Variants in HPCAL4 observed in about 807,000 individuals in gnomAD.
The protein encoded by HPCAL4 is hippocalcin like 4.
HPCAL4 carries 16 observed loss-of-function variants against 18.2 expected under a neutral mutation model. The observed-to-expected ratio is 0.88, with a 90% CI of 0.59 to 1.33. The LOEUF (loss-of-function observed/expected upper bound fraction) is 1.33. Ranked by LOEUF, HPCAL4 falls within the 40% of genes most tolerant of loss-of-function variation. The pLI, the probability that HPCAL4 is intolerant of heterozygous loss-of-function variation, is 0.00. For synonymous variants in HPCAL4, 80 were observed against 97.5 expected, an observed-to-expected ratio of 0.82 and a Z score of 1.06; for missense variants, 214 against 256.6, an observed-to-expected ratio of 0.83 and a Z score of 1.14.
rs1646607312 is a variant in HPCAL4, at chr1:39,679,556, G to C, written c.*2980C>G. 1 of 152,206 alleles carries C rather than the reference G, an allele frequency of 6.6e-6. No homozygotes were observed. Among genetic ancestry groups the C allele is most frequent in the African/African-American group, 2.4e-5 (1 of 41,458 alleles). The allele number at this position is 152,206 out of a possible 1,614,324, so 9.4% of individuals were successfully genotyped here. ...TAAAGGAGAGTTTGAATATATCAAT[G>C]TTTTGATTGTCTGTATATTTTTGTG... On this transcript the variant is annotated 3_prime_UTR_variant, in exon 4 of 4. Transcript: ENST00000372844.
At chr1:39,686,113 G>A (rs142358687) in intron 1 of HPCAL4, among the ~76,000 whole-genome samples, 13,068 of 150,130 alleles carry the variant, frequency 0.087, 740 homozygotes, top group Non-Finnish European at 0.12. Context: ...CCCCAGAGGC[G>A]GAGCTTGCGG....
intron 1 of HPCAL4, among the ~76,000 whole-genome samples, chr1:39,688,857 CT>C (rs1646696916): frequency 6.6e-6 from 1 of 152,180 alleles, no homozygotes; most frequent in Admixed American, 6.5e-5. Flanking sequence ...AGCCTGCTTC[CT>C]TATGATCAGC....
At chr1:39,684,416 C>T in intron 2 of HPCAL4, 26 bp downstream of exon 2, 1 of 1,374,490 alleles carries the variant, frequency 7.3e-7, no homozygotes, top group Non-Finnish European at 9.4e-7. Context: ...TACTTGGCTC[C>T]CTCACACCAG....
chr1:39,688,651 A>G (rs1646695544), intron 1 of HPCAL4, among the ~76,000 whole-genome samples: 2 of 152,228 alleles, frequency 1.3e-5, no homozygotes, highest in Middle Eastern at 3.4e-3. Context: ...CTGAAACTCT[A>G]GAATCCTCTA....
chr1:39,684,050 G>A lies in HPCAL4; in HGVS notation c.265C>T (p.Leu89=), dbSNP rs1646650772. 1 of 1,614,054 alleles carries A rather than the reference G, an allele frequency of 6.2e-7. No individual in the cohort carries two copies. The highest frequency in any genetic ancestry group is 1.3e-5 in the African/African-American group (1 of 75,058). The change falls in exon 3 of 4, where the codon CTG becomes TTG. Residue 89 remains leucine, a synonymous_variant. Transcript: ENST00000372844. ...AAGCTGCCGCGGGAGGTGACCGACA[G>A]GGCGCAGATGAACTCCCGGAAGTCG... ...TIDFREFICA[L]SVTSRGSFEQ...
rs1557752971 is a variant in HPCAL4, at chr1:39,682,827, G to C, written c.379-94C>G. On this transcript the variant is annotated intron_variant, in intron 3 of 3. Transcript: ENST00000372844. ...AGGGATCTGGCAGGGAGAACACTGG[G>C]GGTTGGTGAGGATACTGGAAGGTAT... 3 of 890,776 alleles carry C rather than the reference G, an allele frequency of 3.4e-6. No homozygotes were observed. The East Asian group carries it at 7.5e-5, about 22-fold the overall frequency. 55.2% of individuals were successfully genotyped at this position (890,776 alleles called of 1,614,324 possible). A position where few individuals can be genotyped will look rare whatever the true frequency, so the allele number is the denominator to read the frequency against.
chr1:39,687,374 A>G (rs889000903), intron 1 of HPCAL4, among the ~76,000 whole-genome samples: 2 of 152,206 alleles, frequency 1.3e-5, no homozygotes, highest in East Asian at 3.8e-4. Flanking sequence ...AGTCAGGCAG[A>G]GATGTCTGAT....
intron 1 of HPCAL4, among the ~76,000 whole-genome samples, chr1:39,688,867 G>A (rs923158397): frequency 5.3e-5 from 8 of 152,132 alleles, no homozygotes; most frequent in African/African-American, 1.9e-4. Context: ...CTTATGATCA[G>A]CCTTTTCCAG....
At chr1:39,685,936 C>T (rs1157174952) in intron 1 of HPCAL4, among the ~76,000 whole-genome samples, 1 of 150,418 alleles carries the variant, frequency 6.6e-6, no homozygotes. Context: ...AATCCCAGCA[C>T]TTTGAGAGGC....
At position 39,682,510 on chromosome 1, in the gene HPCAL4, C is replaced by A. The variant is rs756203757; in HGVS notation, c.*26G>T. On this transcript the variant is annotated 3_prime_UTR_variant, in exon 4 of 4. Transcript: ENST00000372844. ...TGGGAGGTGGCCATGCCCCTTCTGGCCAGGGACCCTGCCCCTCACCAGCTT... is the reference window on the plus strand; with the variant it reads ...TGGGAGGTGGCCATGCCCCTTCTGGACAGGGACCCTGCCCCTCACCAGCTT... The A allele has an allele frequency of 1.9e-6, 3 of 1,612,110 alleles. No homozygotes were observed. The highest frequency in any genetic ancestry group is 4.5e-5 in the East Asian group (2 of 44,874).
At position 39,680,636 on chromosome 1, in the gene HPCAL4, C is replaced by A. The variant is rs1281023342; in HGVS notation, c.*1900G>T. ...ATTGCTGGATAAACAACTGCTAGTT[C>A]CTGCCTGAGGATGTGAACTCCCCAG... On this transcript the variant is annotated 3_prime_UTR_variant, in exon 4 of 4. Coordinates refer to ENST00000372844, the MANE Select transcript of HPCAL4 (RefSeq NM_016257.4). The A allele has an allele frequency of 6.6e-6, 1 of 152,174 alleles. No individual in the cohort carries two copies. Among genetic ancestry groups the A allele is most frequent in the Non-Finnish European group, 1.5e-5 (1 of 68,038 alleles). 9.4% of individuals were successfully genotyped at this position (152,174 alleles called of 1,614,324 possible). A position where few individuals can be genotyped will look rare whatever the true frequency, so the allele number is the denominator to read the frequency against.
chr1:39,682,875 T>G (rs1646639243), intron 3 of HPCAL4, 142 bp from the exon 4 acceptor site: 2 of 629,438 alleles, frequency 3.2e-6, no homozygotes, highest in Admixed American at 5.6e-5. Context: ...AGACTGGATA[T>G]TTAATGAGCA....
chr1:39,691,191 A>T (rs2124205035), intron 1 of HPCAL4, 115 bp downstream of exon 1: 1 of 152,646 alleles, frequency 6.6e-6, no homozygotes, highest in East Asian at 1.9e-4. Context: ...ACCACGGGTC[A>T]GGGAGGTGAA....
In HPCAL4 at chr1:39,683,755, C is replaced by T. The variant is rs149527418; in HGVS notation, c.378+182G>A. On this transcript the variant is annotated intron_variant, in intron 3 of 3. Transcript: ENST00000372844. ...AATGGGGTTTGGGACAGTAACCAAC[C>T]CCTCCGCCCCGTCGAGTGTCGGGTA... Among the ~76,000 whole-genome samples, 882 of 152,298 alleles carry T rather than the reference C, an allele frequency of 5.8e-3. 8 individuals are homozygous for T. Among genetic ancestry groups the T allele is most frequent in the African/African-American group, 0.02 (852 of 41,566 alleles).
intron 1 of HPCAL4, among the ~76,000 whole-genome samples, chr1:39,688,476 G>GCC (rs1470627153): frequency 4.1e-4 from 62 of 152,254 alleles, no homozygotes; most frequent in African/African-American, 1.4e-3. Flanking sequence ...TATGTCCATA[G>GCC]CCAGGGACAC....
Position 39,684,329 on chromosome 1 carries a change from C to T in HPCAL4, c.162+113G>A. 1.6e-5 allele frequency: 21 copies of T among 1,304,266 alleles called. 1 individual carries two copies. The highest frequency in any genetic ancestry group is 4.4e-5 in the South Asian group (3 of 67,618). The allele number at this position is 1,304,266 out of a possible 1,614,324, so 80.8% of individuals were successfully genotyped here. A position where few individuals can be genotyped will look rare whatever the true frequency, so the allele number is the denominator to read the frequency against. On this transcript the variant is annotated intron_variant, in intron 2 of 3. Coordinates refer to ENST00000372844, the MANE Select transcript of HPCAL4 (RefSeq NM_016257.4). ...CCGGGTGCCTCGCCTCCCCTCCCAC[C>T]CCGGGTGCCTCGCCTCTTCTCATCC...
In HPCAL4 at chr1:39,682,471, A is replaced by G; in HGVS notation, c.*65T>C. The G allele has an allele frequency of 6.5e-7, 1 of 1,526,978 alleles. No homozygotes were observed. Among genetic ancestry groups the G allele is most frequent in the Non-Finnish European group, 9.0e-7 (1 of 1,105,166 alleles). The allele number at this position is 1,526,978 out of a possible 1,614,324, so 94.6% of individuals were successfully genotyped here. On this transcript the variant is annotated 3_prime_UTR_variant, in exon 4 of 4. Transcript: ENST00000372844. The stretch of plus-strand genomic sequence containing the variant: ...TCCCTCCTCCTGGGAGGCCAGCCAG[A>G]GAGGTCATCAGGTTGGGAGGTGGCC...
Position 39,681,245 on chromosome 1 carries a change from T to A in HPCAL4, c.*1291A>T, listed in dbSNP as rs952142846. The stretch of plus-strand genomic sequence containing the variant: ...CTCAAACAGAGCATGCCTGGCACAT[T>A]TTTAGGCATTTCGTCCATAAATTAT... On this transcript the variant is annotated 3_prime_UTR_variant, in exon 4 of 4. Transcript: ENST00000372844. 9 of 152,178 alleles carry A rather than the reference T, an allele frequency of 5.9e-5. No individual in the cohort carries two copies. Among genetic ancestry groups the A allele is most frequent in the Non-Finnish European group, 1.2e-4 (8 of 68,026 alleles). The allele number at this position is 152,178 out of a possible 1,614,324, so 9.4% of individuals were successfully genotyped here.
At position 39,684,081 on chromosome 1, in the gene HPCAL4, G is replaced by GCCGT. The variant is rs1284136833; in HGVS notation, c.230_233dup (p.Thr79ArgfsTer29). The GCCGT allele has an allele frequency of 1.9e-6, 3 of 1,613,874 alleles. No individual in the cohort carries two copies. The highest frequency in any genetic ancestry group is 2.5e-6 in the Non-Finnish European group (3 of 1,179,908). On this transcript the variant is annotated frameshift_variant, in exon 3 of 4. Transcript: ENST00000372844. LOFTEE classifies it high-confidence loss of function. ...AGATGAACTCCCGGAAGTCGATGGT[G>GCCGT]CCGTCGCCGTTCTTGTCGAAGGTGC... is the stretch of plus-strand genomic sequence containing the variant.
Sources: allele counts gnomAD v4.1 joint callset (sites outside exome capture counted in the v4.1 genomes callset), GRCh38; gene constraint gnomAD v4.1.1; transcripts MANE v1.5; gene names NCBI Gene and HGNC (gene_info 2026-07-23, HGNC 2026-07-21).